RERE: variants seen among roughly 807,000 people sequenced by gnomAD.
RERE encodes the protein arginine-glutamic acid dipeptide repeats protein.
A neutral mutation model predicts 146.1 loss-of-function variants in RERE; 40 were observed. That is an observed-to-expected ratio of 0.27 (90% CI 0.21 to 0.36). RERE has a LOEUF of 0.36. Ranked by LOEUF, RERE falls within the 10% of genes least tolerant of loss-of-function variation. The probability of loss-of-function intolerance (pLI) is 1.00; values close to 1 mark genes in which losing one functional copy is unlikely to be tolerated. For missense variants in RERE, 1,933 were observed against 2,138.7 expected, an observed-to-expected ratio of 0.90 and a Z score of 1.90; for synonymous variants, 1,003 against 866.0, an observed-to-expected ratio of 1.16 and a Z score of -2.78.
intron 4 of RERE, among the ~76,000 whole-genome samples, chr1:8,571,864 T>C (rs1266818328): frequency 6.6e-6 from 1 of 152,120 alleles, no homozygotes; most frequent in Non-Finnish European, 1.5e-5. Context: ...TTCAGTCAAG[T>C]GTGAGCTGAG....
At position 8,507,780 on chromosome 1, in the gene RERE, C is replaced by T. The variant is rs1433990608; in HGVS notation, c.879+847G>A. Among the ~76,000 whole-genome samples, 3 of 116,434 alleles carry T rather than the reference C, an allele frequency of 2.6e-5. No homozygotes were observed. The South Asian group carries it at 7.6e-4, about 30-fold the overall frequency. The allele number at this position is 116,434 out of a possible 152,430, so 76.4% of individuals were successfully genotyped here. ...TTGAGACAGAGTCTTGCTCTGTTGC[C>T]CAGACTGGAGTCCAGTGGCCACAGT... On this transcript the variant is annotated intron_variant, in intron 8 of 22. Transcript: ENST00000400908.
At chr1:8,441,060 C>G (rs558460580) in intron 11 of RERE, among the ~76,000 whole-genome samples, 1 of 151,840 alleles carries the variant, frequency 6.6e-6, no homozygotes, top group East Asian at 1.9e-4. Context: ...ATGATAAACC[C>G]TTGGAGGGCA....
intron 1 of RERE, among the ~76,000 whole-genome samples, chr1:8,723,763 C>T: frequency 6.6e-6 from 1 of 152,210 alleles, no homozygotes; most frequent in East Asian, 1.9e-4. Context: ...AAAGTAACCA[C>T]TACCTGTACA....
Position 8,358,194 on chromosome 1 carries a change from A to G in RERE, c.4339+2T>C. On this transcript the variant is annotated splice_donor_variant, in intron 20 of 22. Coordinates refer to ENST00000400908, the MANE Select transcript of RERE (RefSeq NM_001042681.2). LOFTEE classifies it high-confidence loss of function. ...TCCCACCTGCCACGCTGGGGCACGC[A>G]CCTTGGTGGAGGGGGTCCTGCTGGT... The G allele has an allele frequency of 6.3e-7, 1 of 1,587,566 alleles. No individual in the cohort carries two copies. Among genetic ancestry groups the G allele is most frequent in the African/African-American group, 1.3e-5 (1 of 74,702 alleles).
chr1:8,409,370 A>G (rs1482031952), intron 12 of RERE, among the ~76,000 whole-genome samples: 1 of 152,234 alleles, frequency 6.6e-6, no homozygotes, highest in Non-Finnish European at 1.5e-5. Context: ...TGTTCTAACA[A>G]CCGCATGAGG....
chr1:8,476,474 G>A lies in RERE; in HGVS notation c.1105-10451C>T, dbSNP rs551025664. 2.0e-5 allele frequency among the ~76,000 whole-genome samples: 3 copies of A among 152,160 alleles called. 1 individual carries two copies. In the South Asian group the frequency reaches 6.2e-4, roughly 32 times the overall value. ...GGGCTAGGGGATGAGGGTGGGTGGA[G>A]GAAAGGAGGGAGCCAGCAGCTCAGA... On this transcript the variant is annotated intron_variant, in intron 10 of 22. Coordinates refer to ENST00000400908, the MANE Select transcript of RERE (RefSeq NM_001042681.2).
intron 19 of RERE, 69 bp downstream of exon 19, chr1:8,359,695 G>T: frequency 6.6e-7 from 1 of 1,525,256 alleles, no homozygotes; most frequent in South Asian, 1.2e-5. Context: ...GAGCTCGGTG[G>T]CCCAGCGTGG....
At chr1:8,614,801 T>C in intron 3 of RERE, 115 bp from the exon 4 acceptor site, 1 of 1,158,378 alleles carries the variant, frequency 8.6e-7, no homozygotes, top group East Asian at 2.5e-5. Flanking sequence ...AGATGACCTC[T>C]GAAACCTCAG....
At chr1:8,773,661 TAA>T (rs986291145) in intron 1 of RERE, among the ~76,000 whole-genome samples, 4 of 152,056 alleles carry the variant, frequency 2.6e-5, no homozygotes, top group Non-Finnish European at 5.9e-5. Flanking sequence ...CTGTCTCTAC[TAA>T]AAACACAAAA....
At chr1:8,602,167 GAT>G (rs1321671279) in intron 4 of RERE, among the ~76,000 whole-genome samples, 2 of 152,126 alleles carry the variant, frequency 1.3e-5, no homozygotes, top group African/African-American at 2.4e-5. Flanking sequence ...GAAGTGGGTG[GAT>G]TACAAGGTCA....
intron 1 of RERE, among the ~76,000 whole-genome samples, chr1:8,784,135 G>T (rs546231287): frequency 6.6e-6 from 1 of 152,104 alleles, no homozygotes; most frequent in Admixed American, 6.6e-5. Flanking sequence ...CTCCCACCAC[G>T]CTGTCTTCCT....
intron 7 of RERE, among the ~76,000 whole-genome samples, chr1:8,526,246 C>T (rs1645569291): frequency 6.6e-6 from 1 of 151,054 alleles, no homozygotes; most frequent in African/African-American, 2.4e-5. Flanking sequence ...CACGGAGGAG[C>T]GTCAGTTAAA....
At chr1:8,525,732 C>T (rs747458006) in intron 7 of RERE, 16 of 1,579,506 alleles carry the variant, frequency 1.0e-5, no homozygotes, top group Admixed American at 3.8e-5. Context: ...ATCACTGTTT[C>T]GGTGAGGCCA....
At chr1:8,766,561 AAAG>A (rs1640850383) in intron 1 of RERE, among the ~76,000 whole-genome samples, 1 of 151,452 alleles carries the variant, frequency 6.6e-6, no homozygotes, top group African/African-American at 2.4e-5. Flanking sequence ...AAAAAAAAAA[AAAG>A]AAAAGAAAAA....
chr1:8,786,196 C>T, intron 1 of RERE: 1 of 729,100 alleles, frequency 1.4e-6, no homozygotes, highest in Non-Finnish European at 2.4e-6. Context: ...TGGTAAACAC[C>T]TCGGTTCATT....
chr1:8,410,544 A>C (rs1215595666), intron 12 of RERE, among the ~76,000 whole-genome samples: 1 of 152,246 alleles, frequency 6.6e-6, no homozygotes, highest in East Asian at 1.9e-4. Flanking sequence ...GGAACTGTTC[A>C]AAACCACAAT....
chr1:8,594,881 G>A (rs796806076), intron 4 of RERE, among the ~76,000 whole-genome samples: 15 of 152,240 alleles, frequency 9.9e-5, no homozygotes, highest in African/African-American at 2.4e-4. Flanking sequence ...GCGGGGGCCA[G>A]GCACAGTGGC....
intron 19 of RERE, 25 bp from the exon 20 acceptor site, chr1:8,358,941 G>C: frequency 1.3e-6 from 2 of 1,506,024 alleles, no homozygotes; most frequent in Non-Finnish European, 1.8e-6. Context: ...GAAAGCGTGA[G>C]GGGTCCCCCG....
At chr1:8,631,913 A>G (rs1647040601) in intron 2 of RERE, among the ~76,000 whole-genome samples, 1 of 152,200 alleles carries the variant, frequency 6.6e-6, no homozygotes, top group African/African-American at 2.4e-5. Flanking sequence ...ACACAAAGGA[A>G]GAGAACTTCC....
Sources: gnomAD v4.1 joint callset for allele counts (sites outside exome capture counted in the v4.1 genomes callset) on GRCh38, gnomAD v4.1.1 for gene constraint, MANE v1.5 for transcripts, NCBI Gene and HGNC (gene_info 2026-07-23, HGNC 2026-07-21) for gene names.